Variants in SVIL observed in about 807,000 individuals in gnomAD.
SVIL encodes supervillin, also known as archvillin.
SVIL carries 101 observed loss-of-function variants against 240.4 expected under a neutral mutation model. The observed-to-expected ratio is 0.42, with a 90% CI of 0.36 to 0.50. The LOEUF is 0.50. Among genes scored for constraint, SVIL ranks in the 20% least tolerant of loss-of-function variants. The pLI, the probability that SVIL is intolerant of heterozygous loss-of-function variation, is 0.01. For synonymous variants in SVIL, 999 were observed against 1,100.0 expected (o/e 0.91, Z 1.82); for missense variants, 2,512 against 2,818.7 (o/e 0.89, Z 2.46).
chr10:29,558,826 G>A (rs1251394552), intron 3 of SVIL, among the ~76,000 whole-genome samples: 1 of 150,976 alleles, frequency 6.6e-6, no homozygotes, highest in Non-Finnish European at 1.5e-5. Flanking sequence ...TACACGGGAG[G>A]CTGAGGCAGG....
chr10:29,634,992 G>C (rs772224227), upstream of SVIL: 2 of 152,068 alleles, frequency 1.3e-5, no homozygotes, highest in Non-Finnish European at 2.9e-5. Context: ...CACATGGGAC[G>C]GGCCTTTTAT....
At chr10:29,661,488 A>G (rs1297071087) in intron 2 of SVIL, among the ~76,000 whole-genome samples, 1 of 152,192 alleles carries the variant, frequency 6.6e-6, no homozygotes, top group Non-Finnish European at 1.5e-5. Context: ...ATGCAGCAGG[A>G]GGAGATGCTA....
At chr10:29,680,613 G>A (rs1960561544) in intron 2 of SVIL, among the ~76,000 whole-genome samples, 1 of 152,110 alleles carries the variant, frequency 6.6e-6, no homozygotes, top group Non-Finnish European at 1.5e-5. Flanking sequence ...ATGGAGTTTA[G>A]GGCAAATCAA....
At chr10:29,522,708 G>A (rs1950641785) in intron 15 of SVIL, 73 bp from the exon 16 acceptor site, 2 of 1,503,550 alleles carry the variant, frequency 1.3e-6, no homozygotes, top group Admixed American at 2.0e-5. Flanking sequence ...GCCCTCAACA[G>A]TGCAGCTCTC....
At chr10:29,721,849 A>G (rs1964001551) in intron 1 of SVIL, among the ~76,000 whole-genome samples, 2 of 152,224 alleles carry the variant, frequency 1.3e-5, no homozygotes, top group African/African-American at 2.4e-5. Flanking sequence ...TTATTTTGAC[A>G]TCTTACTGGT....
At chr10:29,474,715 C>G (rs1466959526) in intron 29 of SVIL, among the ~76,000 whole-genome samples, 1 of 152,182 alleles carries the variant, frequency 6.6e-6, no homozygotes, top group Non-Finnish European at 1.5e-5. Context: ...TATTACACCA[C>G]TCTTTGGCAA....
rs538822256 is a variant in SVIL at position 29,627,947 on chromosome 10, T to C, written c.-201+6473A>G. Among the ~76,000 whole-genome samples the C allele has an allele frequency of 2.0e-5, 3 of 152,374 alleles. No homozygotes were observed. In the East Asian group the frequency reaches 5.8e-4, roughly 29 times the overall value. ...AGACTATCAGCACAATTTAGAGAGC[T>C]AGCTGCTTCTTAACGGTACAGCCAA... On this transcript the variant is annotated intron_variant, in intron 1 of 37. Coordinates refer to ENST00000355867, the MANE Select transcript of SVIL (RefSeq NM_021738.3).
intron 12 of SVIL, among the ~76,000 whole-genome samples, chr10:29,527,839 C>A (rs774105053): frequency 5.3e-5 from 8 of 151,320 alleles, no homozygotes; most frequent in Non-Finnish European, 1.2e-4. Context: ...ATTTCTCCTG[C>A]CTCAGCCTCC....
chr10:29,661,740 G>C (rs1959166257), intron 2 of SVIL, among the ~76,000 whole-genome samples: 1 of 152,196 alleles, frequency 6.6e-6, no homozygotes, highest in South Asian at 2.1e-4. Context: ...TTTGACAGAT[G>C]GTGCCCATGG....
chr10:29,576,273 T>TA (rs1955690911), intron 1 of SVIL: 1 of 240,064 alleles, frequency 4.2e-6, no homozygotes, highest in South Asian at 1.5e-4. Context: ...GTGACTAGCA[T>TA]ACTTGATGGG....
chr10:29,510,400 G>A (rs569162406), intron 17 of SVIL, among the ~76,000 whole-genome samples: 2 of 152,024 alleles, frequency 1.3e-5, no homozygotes, highest in Non-Finnish European at 2.9e-5. Context: ...GGATGGTGCT[G>A]ACTTCTATGT....
At chr10:29,514,297 C>T (rs1024718971) in intron 16 of SVIL, among the ~76,000 whole-genome samples, 1 of 151,378 alleles carries the variant, frequency 6.6e-6, no homozygotes, top group Non-Finnish European at 1.5e-5. Context: ...AGTGCAGCGG[C>T]ACAATCACGG....
chr10:29,505,019 A>C lies in SVIL; in HGVS notation c.3517-5756T>G, dbSNP rs539955653. On this transcript the variant is annotated intron_variant, in intron 17 of 37. Transcript: ENST00000355867. ...TGAAATATTATTCGACGATACAAAG[A>C]AAAAAGCTTTCAAGCCATAAAAAGA... 1.8e-3 allele frequency among the ~76,000 whole-genome samples: 269 copies of C among 152,348 alleles called. 12 individuals are homozygous for C. In the South Asian group the frequency reaches 0.054, roughly 31 times the overall value.
intron 6 of SVIL, among the ~76,000 whole-genome samples, chr10:29,548,713 T>G (rs991565270): frequency 2.6e-5 from 4 of 152,240 alleles, no homozygotes; most frequent in Admixed American, 1.3e-4. Context: ...TTCTGTGCTC[T>G]GCACTGAGAT....
chr10:29,509,127 C>T (rs930652856), intron 17 of SVIL, among the ~76,000 whole-genome samples: 25 of 152,106 alleles, frequency 1.6e-4, no homozygotes, highest in African/African-American at 5.8e-4. Flanking sequence ...GCACATAAAC[C>T]ACACCGTGCA....
chr10:29,491,436 AC>A (rs1187577834), intron 21 of SVIL, among the ~76,000 whole-genome samples: 49 of 152,252 alleles, frequency 3.2e-4, no homozygotes, highest in Admixed American at 6.5e-4. Flanking sequence ...GGGAATTTGC[AC>A]GGGCTCCTTG....
In SVIL at chr10:29,494,963, G is replaced by T. The variant is rs773339361; in HGVS notation, c.3792C>A (p.Asp1264Glu). ...AGGTTTCCAGCCTGTCCAACTTCAGGTCCGATTCTAACTGCATATCTGGTC... is the reference window on the plus strand; with the variant it reads ...AGGTTTCCAGCCTGTCCAACTTCAGTTCCGATTCTAACTGCATATCTGGTC... ...EARPDMQLES[D>E]LKLDRLETFL... The change falls in exon 20 of 38, where the codon GAC becomes GAA. Residue 1264 changes from aspartate (D) to glutamate (E), a missense_variant. Around this residue, in one of 3 missense-constraint regions of SVIL, gnomAD observed 272 missense variants for 406.8 expected, o/e 0.67. Coordinates refer to ENST00000355867, the MANE Select transcript of SVIL (RefSeq NM_021738.3). 4 of 1,613,870 alleles carry T rather than the reference G, an allele frequency of 2.5e-6. No individual in the cohort carries two copies. The Admixed American group carries it at 5.0e-5, about 20-fold the overall frequency.
At chr10:29,554,632 G>T in intron 5 of SVIL, 151 bp downstream of exon 5, 1 of 1,020,160 alleles carries the variant, frequency 9.8e-7, no homozygotes, top group Non-Finnish European at 1.3e-6. Context: ...TCCAGCCTGT[G>T]TGACAGAGTG....
intron 6 of SVIL, among the ~76,000 whole-genome samples, chr10:29,540,193 G>A (rs879641119): frequency 1.3e-5 from 2 of 152,120 alleles, no homozygotes; most frequent in Non-Finnish European, 2.9e-5. Flanking sequence ...ATATCAAGTA[G>A]GGCAAACCCC....
Sources: allele counts gnomAD v4.1 joint callset (sites outside exome capture counted in the v4.1 genomes callset), GRCh38; gene constraint gnomAD v4.1.1; regional missense constraint gnomAD v4.1.1; transcripts MANE v1.5; gene names NCBI Gene and HGNC (gene_info 2026-07-23, HGNC 2026-07-21).